The following GAS7 variants were observed in gnomAD, a reference collection of about 807,000 sequenced individuals.
The protein encoded by GAS7 is growth arrest-specific protein 7.
A neutral mutation model predicts 71.1 loss-of-function variants in GAS7; 28 were observed. The ratio of observed to expected loss-of-function variants is 0.39; its 90% confidence interval spans 0.29 to 0.54. The LOEUF (loss-of-function observed/expected upper bound fraction) is 0.54. Ranked by LOEUF, GAS7 falls within the 20% of genes least tolerant of loss-of-function variation. GAS7 has a pLI of 0.62. For synonymous variants in GAS7, 258 were observed against 245.8 expected (o/e 1.05, Z -0.46); for missense variants, 436 against 627.8 (o/e 0.69, Z 3.27).
chr17:10,036,349 T>C lies in GAS7; in HGVS notation c.184-16452A>G, dbSNP rs527834220. On this transcript the variant is annotated intron_variant, in intron 1 of 13. Coordinates refer to ENST00000432992, the MANE Select transcript of GAS7 (RefSeq NM_201433.2). ...AAATCTCAGTTTTCAGAGCTGCCTC[T>C]TTACCATGGCACAGTCATTTTAGAA... The C allele has an allele frequency of 2.2e-3, 2,529 of 1,170,282 alleles. 4 individuals are homozygous for C. The highest frequency in any genetic ancestry group is 3.0e-3 in the Non-Finnish European group (2,346 of 780,212). The allele number at this position is 1,170,282 out of a possible 1,614,324, so 72.5% of individuals were successfully genotyped here.
At chr17:9,984,852 G>A (rs2070577715) in intron 2 of GAS7, among the ~76,000 whole-genome samples, 1 of 152,182 alleles carries the variant, frequency 6.6e-6, no homozygotes, top group African/African-American at 2.4e-5. Context: ...CAAAAGCAGC[G>A]AGGTGGGCAT....
intron 1 of GAS7, among the ~76,000 whole-genome samples, chr17:10,175,442 C>T (rs1172145939): frequency 6.6e-6 from 1 of 152,102 alleles, no homozygotes; most frequent in Non-Finnish European, 1.5e-5. Flanking sequence ...CTCAAGGTTG[C>T]TTGTAAGGCT....
chr17:10,177,155 G>A (rs977767445), intron 1 of GAS7, among the ~76,000 whole-genome samples: 1 of 152,160 alleles, frequency 6.6e-6, no homozygotes. Context: ...GCAGAAGAAA[G>A]GACTCTGCCT....
intron 5 of GAS7, among the ~76,000 whole-genome samples, chr17:9,947,812 T>A (rs6503275): frequency 0.41 from 57,908 of 140,232 alleles, 13,523 homozygotes; most frequent in African/African-American, 0.65. Flanking sequence ...CCAGGATATA[T>A]GGTTAGGTGA....
At chr17:9,948,371 G>T (rs909568604) in intron 5 of GAS7, among the ~76,000 whole-genome samples, 1 of 152,198 alleles carries the variant, frequency 6.6e-6, no homozygotes. Context: ...TGTATCATAC[G>T]AACAAATACA....
intron 9 of GAS7, among the ~76,000 whole-genome samples, chr17:9,932,634 C>T (rs7221937): frequency 0.54 from 81,762 of 151,956 alleles, 22,332 homozygotes; most frequent in African/African-American, 0.58. Flanking sequence ...GAGGTATGTG[C>T]CAGGGAGTGG....
At chr17:10,067,188 A>T (rs957178594) in intron 1 of GAS7, among the ~76,000 whole-genome samples, 1 of 152,110 alleles carries the variant, frequency 6.6e-6, no homozygotes, top group African/African-American at 2.4e-5. Flanking sequence ...ACCACAGCAG[A>T]GGCTCCTCTG....
rs753543542 is a variant in GAS7 at position 9,943,164 on chromosome 17, C to G, written c.688G>C (p.Gly230Arg). 1 of 1,613,662 alleles carries G rather than the reference C, an allele frequency of 6.2e-7. No individual in the cohort carries two copies. The highest frequency in any genetic ancestry group is 1.1e-5 in the South Asian group (1 of 91,070). ...FELLLQKQLKGKQMQKEMSEF... is the reference protein window; with the variant it reads ...FELLLQKQLKRKQMQKEMSEF... ...GACATTTCCTTCTGCATTTGTTTGC[C>G]CTTCAGCTGTTTCTGGAGCAGTAGT... The change falls in exon 7 of 14, where the codon GGC becomes CGC. Residue 230 changes from glycine to arginine, a missense_variant. Gly to Arg is a moderately radical substitution (Grantham distance 125, BLOSUM62 -2). Coordinates refer to ENST00000432992, the MANE Select transcript of GAS7 (RefSeq NM_201433.2).
At chr17:10,016,194 G>A (rs1278919192) in intron 2 of GAS7, among the ~76,000 whole-genome samples, 1 of 151,454 alleles carries the variant, frequency 6.6e-6, no homozygotes, top group East Asian at 2.0e-4. Flanking sequence ...GACCACCCTG[G>A]CTAACACGGT....
chr17:9,967,888 A>G (rs1044342872), intron 4 of GAS7, among the ~76,000 whole-genome samples: 3 of 152,248 alleles, frequency 2.0e-5, no homozygotes, highest in Admixed American at 6.5e-5. Flanking sequence ...ATGGCTTATA[A>G]TGCACAGTGT....
chr17:10,112,445 A>G (rs2073822262), intron 1 of GAS7, among the ~76,000 whole-genome samples: 3 of 152,180 alleles, frequency 2.0e-5, no homozygotes, highest in South Asian at 4.1e-4. Flanking sequence ...CATGTAGAAA[A>G]TGGAGTCTAG....
At chr17:9,967,180 T>G (rs200607386) in intron 4 of GAS7, among the ~76,000 whole-genome samples, 33,931 of 151,698 alleles carry the variant, frequency 0.22, 3,990 homozygotes, top group Middle Eastern at 0.29. Context: ...AGCTTTTTTT[T>G]TTTTTTTTAA....
In GAS7 at chr17:10,029,515, T is replaced by C. The variant is rs144556638; in HGVS notation, c.184-9618A>G. ...TATACATGTTGCTATTCTCAATATA[T>C]ACTGTAAAAAAATGAAATTATAACC... is the stretch of plus-strand genomic sequence containing the variant. On this transcript the variant is annotated intron_variant, in intron 1 of 13. Coordinates refer to ENST00000432992, the MANE Select transcript of GAS7 (RefSeq NM_201433.2). Among the ~76,000 whole-genome samples, 98 of 152,246 alleles carry C rather than the reference T, an allele frequency of 6.4e-4. 2 individuals carry two copies. The East Asian group carries it at 0.015, about 24-fold the overall frequency.
At chr17:9,988,132 T>C (rs1239076518) in intron 2 of GAS7, among the ~76,000 whole-genome samples, 1 of 152,254 alleles carries the variant, frequency 6.6e-6, no homozygotes, top group Non-Finnish European at 1.5e-5. Context: ...TCTGTGCTAC[T>C]TGCTCTATCT....
intron 2 of GAS7, among the ~76,000 whole-genome samples, chr17:9,986,106 G>A (rs893401925): frequency 1.3e-5 from 2 of 152,126 alleles, no homozygotes; most frequent in African/African-American, 4.8e-5. Flanking sequence ...TCTCAAATAC[G>A]GCACCTGGCC....
rs142786302 is a variant in GAS7 at position 10,035,268 on chromosome 17, G to A, written c.184-15371C>T. 2.4e-4 allele frequency among the ~76,000 whole-genome samples: 37 copies of A among 152,244 alleles called. 2 individuals are homozygous for A. In the East Asian group the frequency reaches 7.2e-3, roughly 29 times the overall value. On this transcript the variant is annotated intron_variant, in intron 1 of 13. Coordinates refer to ENST00000432992, the MANE Select transcript of GAS7 (RefSeq NM_201433.2). ...GCCACACCTTGGTCAGAACTTGAGTGATTGGTCTGGGTTCCTCACAGCAGC... is the reference window on the plus strand; with the variant it reads ...GCCACACCTTGGTCAGAACTTGAGTAATTGGTCTGGGTTCCTCACAGCAGC...
chr17:10,082,357 C>A (rs2073466320), intron 1 of GAS7, among the ~76,000 whole-genome samples: 1 of 152,082 alleles, frequency 6.6e-6, no homozygotes, highest in Non-Finnish European at 1.5e-5. Context: ...TGACATGTGG[C>A]CAATGTTAAT....
intron 1 of GAS7, among the ~76,000 whole-genome samples, chr17:10,119,885 G>A (rs574315887): frequency 2.0e-4 from 31 of 152,242 alleles, no homozygotes; most frequent in African/African-American, 5.3e-4. Flanking sequence ...CTATTCTCAC[G>A]CCCAGAGCCA....
chr17:10,028,626 A>T (rs1228339358), intron 1 of GAS7, among the ~76,000 whole-genome samples: 2 of 152,108 alleles, frequency 1.3e-5, no homozygotes, highest in Non-Finnish European at 1.5e-5. Flanking sequence ...AAGATATGAC[A>T]TTATGATACA....
Sources: gnomAD v4.1 joint callset for allele counts (sites outside exome capture counted in the v4.1 genomes callset) on GRCh38, gnomAD v4.1.1 for gene constraint, MANE v1.5 for transcripts, NCBI Gene and HGNC (gene_info 2026-07-23, HGNC 2026-07-21) for gene names.